The following TACC2 variants were observed in gnomAD, a reference collection of about 807,000 sequenced individuals.
TACC2 encodes transforming acidic coiled-coil containing protein 2, also known as transforming acidic coiled-coil-containing protein 2.
A neutral mutation model predicts 227.3 loss-of-function variants in TACC2; 137 were observed. The ratio of observed to expected loss-of-function variants is 0.60; its 90% CI spans 0.52 to 0.69. The LOEUF is 0.69. TACC2 is among the 30% of genes least tolerant of loss of function. TACC2 has a pLI of 0.00. For synonymous variants in TACC2, 1,523 were observed against 1,487.5 expected (o/e 1.02, Z -0.55); for missense variants, 3,470 against 3,694.4 (o/e 0.94, Z 1.57).
chr10:122,093,942 G>A (rs1317469819), intron 5 of TACC2, among the ~76,000 whole-genome samples: 2 of 152,164 alleles, frequency 1.3e-5, no homozygotes, highest in African/African-American at 2.4e-5. Flanking sequence ...ATCTGTAGAC[G>A]CAGAAACTGG....
At chr10:122,059,041 T>C (rs9794178) in intron 3 of TACC2, among the ~76,000 whole-genome samples, 28,733 of 146,192 alleles carry the variant, frequency 0.2, 2,929 homozygotes, top group East Asian at 0.34. Context: ...TACAGGCGCC[T>C]GCCACTACGC....
At chr10:122,204,239 A>G (rs1271619035) in intron 8 of TACC2, among the ~76,000 whole-genome samples, 1 of 151,938 alleles carries the variant, frequency 6.6e-6, no homozygotes, top group African/African-American at 2.4e-5. Context: ...TTAGCTTTTA[A>G]AGAAAGCACT....
At chr10:122,076,656 T>G (rs2136916902) in intron 3 of TACC2, among the ~76,000 whole-genome samples, 1 of 151,830 alleles carries the variant, frequency 6.6e-6, no homozygotes, top group South Asian at 2.1e-4. Context: ...TACCAGTGAG[T>G]GTAGAGGTGT....
intron 5 of TACC2, among the ~76,000 whole-genome samples, chr10:122,120,216 C>T (rs981620960): frequency 2.6e-5 from 4 of 152,166 alleles, no homozygotes; most frequent in Non-Finnish European, 4.4e-5. Flanking sequence ...TCCTTAACTC[C>T]CAACCAGAAG....
At chr10:122,178,386 A>T (rs12217636) in intron 7 of TACC2, among the ~76,000 whole-genome samples, 108,698 of 151,560 alleles carry the variant, frequency 0.72, 41,934 homozygotes, top group Non-Finnish European at 0.86. Context: ...ACAGGCACAC[A>T]CCACCACACG....
At chr10:122,239,045 C>G (rs2095922417) in intron 18 of TACC2, among the ~76,000 whole-genome samples, 1 of 151,944 alleles carries the variant, frequency 6.6e-6, no homozygotes, top group Non-Finnish European at 1.5e-5. Context: ...CTCTTGTTGC[C>G]CAGGCTGGAG....
chr10:122,226,047 T>C (rs2095621803), intron 12 of TACC2, among the ~76,000 whole-genome samples: 1 of 152,200 alleles, frequency 6.6e-6, no homozygotes, highest in Non-Finnish European at 1.5e-5. Flanking sequence ...CCAGCACAGC[T>C]CCTGGCCCAG....
chr10:122,247,004 C>T (rs1342971891), intron 19 of TACC2: 1 of 152,544 alleles, frequency 6.6e-6, no homozygotes, highest in East Asian at 1.9e-4. Flanking sequence ...GGCGGGACCC[C>T]CTGGGGCATT....
chr10:121,992,954 A>T (rs1953094120), intron 1 of TACC2, among the ~76,000 whole-genome samples: 2 of 140,302 alleles, frequency 1.4e-5, no homozygotes, highest in South Asian at 4.5e-4. Context: ...GACTGTCTCT[A>T]AAAAAAAAAA....
At chr10:122,174,216 G>A (rs2093606935) in intron 7 of TACC2, among the ~76,000 whole-genome samples, 1 of 152,242 alleles carries the variant, frequency 6.6e-6, no homozygotes. Context: ...CCTAGGGGCT[G>A]AGGGTGTGCC....
chr10:122,118,090 G>A (rs929791299), intron 5 of TACC2, among the ~76,000 whole-genome samples: 1 of 149,036 alleles, frequency 6.7e-6, no homozygotes. Context: ...CTCAGCTCAC[G>A]GCAACCCCTG....
intron 7 of TACC2, among the ~76,000 whole-genome samples, chr10:122,191,336 C>G (rs894736371): frequency 6.6e-6 from 1 of 152,086 alleles, no homozygotes; most frequent in Non-Finnish European, 1.5e-5. Flanking sequence ...ACTCCTGTGC[C>G]CGACACATAA....
intron 1 of TACC2, among the ~76,000 whole-genome samples, chr10:121,996,143 T>G (rs982101524): frequency 2.6e-5 from 4 of 152,018 alleles, no homozygotes; most frequent in Non-Finnish European, 5.9e-5. Context: ...AGCCTTGACT[T>G]CCTGGGCTCA....
At chr10:122,235,549 T>G (rs1297266865) in intron 16 of TACC2, among the ~76,000 whole-genome samples, 1 of 152,178 alleles carries the variant, frequency 6.6e-6, no homozygotes, top group Non-Finnish European at 1.5e-5. Context: ...AGAATTTTTT[T>G]CAGAATTGTG....
intron 3 of TACC2, among the ~76,000 whole-genome samples, chr10:122,074,076 G>A (rs1367020740): frequency 4.6e-5 from 6 of 129,730 alleles, no homozygotes; most frequent in Non-Finnish European, 8.0e-5. Flanking sequence ...CACAGCACCC[G>A]GCATCTTTTT....
intron 8 of TACC2, among the ~76,000 whole-genome samples, chr10:122,201,826 G>T (rs949233155): frequency 6.6e-6 from 1 of 152,178 alleles, no homozygotes; most frequent in Admixed American, 6.5e-5. Context: ...GTAACATTGT[G>T]GGGGGTGGTA....
At chr10:122,005,089 A>AT (rs900021879) in intron 1 of TACC2, among the ~76,000 whole-genome samples, 64 of 148,570 alleles carry the variant, frequency 4.3e-4, no homozygotes, top group African/African-American at 9.9e-4. Context: ...ATTTTATTTT[A>AT]TTTTTTTTTT....
intron 16 of TACC2, among the ~76,000 whole-genome samples, chr10:122,236,420 C>T (rs111708842): frequency 7.2e-4 from 110 of 152,292 alleles, no homozygotes; most frequent in African/African-American, 2.2e-3. Context: ...ATGACAGCGC[C>T]ACGAGGTTAA....
chr10:122,218,313 C>T (rs1321837793), intron 11 of TACC2, among the ~76,000 whole-genome samples: 1 of 152,162 alleles, frequency 6.6e-6, no homozygotes, highest in Non-Finnish European at 1.5e-5. Flanking sequence ...GTCTGGTCTC[C>T]ACTTTTTGCT....
Sources: allele counts gnomAD v4.1 joint callset (sites outside exome capture counted in the v4.1 genomes callset), GRCh38; gene constraint gnomAD v4.1.1; transcripts MANE v1.5; gene names NCBI Gene and HGNC (gene_info 2026-07-23, HGNC 2026-07-21).